Variants in ST3GAL2 observed in about 807,000 individuals in gnomAD.
ST3GAL2 encodes the protein CMP-N-acetylneuraminate-beta-galactosamide-alpha-2,3-sialyltransferase 2.
ST3GAL2 carries 16 observed loss-of-function variants against 37.5 expected under a neutral mutation model. The ratio of observed to expected loss-of-function variants is 0.43; its 90% CI spans 0.29 to 0.65. The LOEUF is 0.65. ST3GAL2 is among the 30% of genes least tolerant of loss of function. The probability of loss-of-function intolerance (pLI) is 0.17; values close to 1 mark genes in which losing one functional copy is unlikely to be tolerated. For synonymous variants in ST3GAL2, 238 were observed against 202.9 expected (o/e 1.17, Z -1.47); for missense variants, 383 against 487.8 (o/e 0.79, Z 2.02).
intron 1 of ST3GAL2, among the ~76,000 whole-genome samples, chr16:70,416,029 GC>G (rs1007062359): frequency 6.6e-6 from 1 of 151,448 alleles, no homozygotes; most frequent in Non-Finnish European, 1.5e-5. Flanking sequence ...ACCCACCTCG[GC>G]CTCCCAAAGT....
chr16:70,410,027 A>T (rs952656716), intron 1 of ST3GAL2, among the ~76,000 whole-genome samples: 1 of 151,554 alleles, frequency 6.6e-6, no homozygotes, highest in African/African-American at 2.4e-5. Flanking sequence ...GTGGCCTCCC[A>T]AAGAGCTGAG....
intron 1 of ST3GAL2, among the ~76,000 whole-genome samples, chr16:70,415,762 C>CTTTT (rs1203693372): frequency 5.2e-5 from 6 of 115,938 alleles, no homozygotes; most frequent in African/African-American, 6.5e-5. Context: ...TTCCAAGATT[C>CTTTT]TTTTTTTTTT....
intron 3 of ST3GAL2, among the ~76,000 whole-genome samples, chr16:70,391,669 C>G (rs2047482976): frequency 6.6e-6 from 1 of 152,148 alleles, no homozygotes; most frequent in Non-Finnish European, 1.5e-5. Context: ...GTCTCAGCTG[C>G]CCAGGGTATG....
intron 3 of ST3GAL2, among the ~76,000 whole-genome samples, chr16:70,389,921 G>A (rs1567666800): frequency 1.3e-5 from 2 of 151,810 alleles, no homozygotes; most frequent in African/African-American, 4.8e-5. Flanking sequence ...CAAGTAGCTG[G>A]GACTACAGGC....
chr16:70,437,933 G>C (rs1192873654), intron 1 of ST3GAL2, among the ~76,000 whole-genome samples: 1 of 152,162 alleles, frequency 6.6e-6, no homozygotes, highest in Non-Finnish European at 1.5e-5. Flanking sequence ...CTCCCCCGGA[G>C]GCTTTGACTG....
chr16:70,395,310 G>C (rs1320479223), intron 2 of ST3GAL2, 135 bp from the exon 3 acceptor site: 4 of 801,662 alleles, frequency 5.0e-6, no homozygotes, highest in African/African-American at 1.8e-5. Flanking sequence ...CTCTGCCAGG[G>C]AACAGGGGTT....
chr16:70,387,447 C>T (rs1230070073), intron 4 of ST3GAL2, among the ~76,000 whole-genome samples: 7 of 151,846 alleles, frequency 4.6e-5, no homozygotes, highest in Non-Finnish European at 8.8e-5. Context: ...CCCAGCTACT[C>T]GGGAGGCTGA....
At chr16:70,397,516 G>T (rs2047525087) in intron 2 of ST3GAL2, among the ~76,000 whole-genome samples, 1 of 151,634 alleles carries the variant, frequency 6.6e-6, no homozygotes, top group East Asian at 2.0e-4. Flanking sequence ...CTGAGGTCAG[G>T]AGTTTGAGAT....
intron 1 of ST3GAL2, chr16:70,400,330 C>G (rs1251767637): frequency 6.6e-6 from 1 of 152,376 alleles, no homozygotes; most frequent in African/African-American, 2.4e-5. Context: ...GGGAGCCACA[C>G]CAGGTGAGAG....
chr16:70,379,965 AAAAAG>A lies in ST3GAL2; in HGVS notation c.*1719_*1723del, dbSNP rs1470854188. On this transcript the variant is annotated 3_prime_UTR_variant, in exon 7 of 7. Coordinates refer to ENST00000342907, the MANE Select transcript of ST3GAL2 (RefSeq NM_006927.4). ...GATTCATGATTTAAAGCAAAAGAAA[AAAAAG>A]AAATAAATTATTCTGCTCAATACTG... The A allele has an allele frequency of 1.5e-4, 23 of 152,308 alleles. No individual in the cohort carries two copies. The highest frequency in any genetic ancestry group is 4.3e-4 in the African/African-American group (18 of 41,566). The allele number at this position is 152,308 out of a possible 1,614,324, so 9.4% of individuals were successfully genotyped here.
At chr16:70,392,766 G>A (rs2047490263) in intron 3 of ST3GAL2, among the ~76,000 whole-genome samples, 1 of 152,134 alleles carries the variant, frequency 6.6e-6, no homozygotes, top group Non-Finnish European at 1.5e-5. Context: ...GTCTACAATT[G>A]GAGTCACCCC....
intron 1 of ST3GAL2, among the ~76,000 whole-genome samples, chr16:70,410,363 G>T (rs1421394326): frequency 6.9e-6 from 1 of 144,450 alleles, no homozygotes; most frequent in African/African-American, 2.6e-5. Flanking sequence ...CCATTCTCCT[G>T]CCTCAGCCTC....
chr16:70,423,467 G>A (rs1302310006), intron 1 of ST3GAL2, among the ~76,000 whole-genome samples: 2 of 152,072 alleles, frequency 1.3e-5, no homozygotes, highest in Admixed American at 1.3e-4. Flanking sequence ...CCAAGACCAA[G>A]TTACTGCACT....
chr16:70,412,555 G>A (rs998680826), intron 1 of ST3GAL2, among the ~76,000 whole-genome samples: 4 of 152,014 alleles, frequency 2.6e-5, no homozygotes, highest in African/African-American at 9.7e-5. Context: ...GAGGTGGGAG[G>A]ATCACCTGAG....
In ST3GAL2 at chr16:70,381,292, G is replaced by C. The variant is rs2047401081; in HGVS notation, c.*397C>G. 5.4e-6 allele frequency: 1 copy of C among 186,772 alleles called. No homozygotes were observed. Among genetic ancestry groups the C allele is most frequent in the Non-Finnish European group, 1.1e-5 (1 of 88,134 alleles). The allele number at this position is 186,772 out of a possible 1,614,324, so 11.6% of individuals were successfully genotyped here. On this transcript the variant is annotated 3_prime_UTR_variant, in exon 7 of 7. Coordinates refer to ENST00000342907, the MANE Select transcript of ST3GAL2 (RefSeq NM_006927.4). The stretch of plus-strand genomic sequence containing the variant: ...TCCTCCAGGTCTGGCCAGCTACTAA[G>C]ACGATCCTCCGCCCGAGGCTGACGG...
At chr16:70,398,003 G>A (rs541933513) in intron 2 of ST3GAL2, among the ~76,000 whole-genome samples, 189 bp downstream of exon 2, 1 of 152,332 alleles carries the variant, frequency 6.6e-6, no homozygotes, top group Admixed American at 6.5e-5. Context: ...GGGTCCTACA[G>A]GCACTAGAAA....
intron 1 of ST3GAL2, among the ~76,000 whole-genome samples, chr16:70,420,669 A>C (rs569180614): frequency 6.6e-6 from 1 of 152,234 alleles, no homozygotes; most frequent in East Asian, 1.9e-4. Flanking sequence ...GTTCTTTGTG[A>C]GCCAGGCTGT....
intron 4 of ST3GAL2, among the ~76,000 whole-genome samples, chr16:70,387,904 C>A (rs1319873290): frequency 6.6e-6 from 1 of 151,978 alleles, no homozygotes; most frequent in Non-Finnish European, 1.5e-5. Context: ...CATCTGAGGT[C>A]AGGAGTTCCA....
intron 1 of ST3GAL2, among the ~76,000 whole-genome samples, chr16:70,417,903 C>G (rs188397485): frequency 6.6e-6 from 1 of 152,224 alleles, no homozygotes; most frequent in East Asian, 1.9e-4. Context: ...ACACTACCTC[C>G]CGGGGTGAAG....
Sources: allele counts gnomAD v4.1 joint callset (sites outside exome capture counted in the v4.1 genomes callset), GRCh38; gene constraint gnomAD v4.1.1; transcripts MANE v1.5; gene names NCBI Gene and HGNC (gene_info 2026-07-23, HGNC 2026-07-21).